The following NPAS3 variants were observed in gnomAD, a reference collection of about 807,000 sequenced individuals.
NPAS3 encodes neuronal PAS domain protein 3.
Under a neutral mutation model 73.1 loss-of-function variants are expected in NPAS3, and 14 were observed. The ratio of observed to expected loss-of-function variants is 0.19; its 90% CI spans 0.13 to 0.30. The LOEUF is 0.30. Ranked by LOEUF, NPAS3 falls within the 10% of genes least tolerant of loss-of-function variation. NPAS3 has a pLI of 1.00. For missense variants in NPAS3, 1,096 were observed against 1,250.0 expected (o/e 0.88, Z 1.86); for synonymous variants, 620 against 541.5 (o/e 1.14, Z -2.01).
At chr14:33,768,451 T>C (rs2062534993) in intron 7 of NPAS3, among the ~76,000 whole-genome samples, 1 of 152,220 alleles carries the variant, frequency 6.6e-6, no homozygotes, top group Non-Finnish European at 1.5e-5. Flanking sequence ...CTTATTTCAA[T>C]TCAAATATGA....
chr14:33,017,356 A>C (rs1455036507), intron 1 of NPAS3, among the ~76,000 whole-genome samples: 1 of 152,118 alleles, frequency 6.6e-6, no homozygotes, highest in Non-Finnish European at 1.5e-5. Context: ...AGAGTAGAAA[A>C]ATTCCCAGGG....
chr14:33,462,225 G>T (rs1315862628), intron 4 of NPAS3, among the ~76,000 whole-genome samples: 1 of 152,126 alleles, frequency 6.6e-6, no homozygotes, highest in Non-Finnish European at 1.5e-5. Flanking sequence ...TAGGCAAGTC[G>T]AACAACCTTT....
In NPAS3 at chr14:33,597,563, G is replaced by A. The variant is rs140198052; in HGVS notation, c.558+37353G>A. Among the ~76,000 whole-genome samples, 15 of 152,360 alleles carry A rather than the reference G, an allele frequency of 9.8e-5. No individual in the cohort carries two copies. In the East Asian group the frequency reaches 2.7e-3, roughly 27 times the overall value. On this transcript the variant is annotated intron_variant, in intron 5 of 11. Transcript: ENST00000356141. ...TTAGAAACAGGTTTAGCTCCAGATT[G>A]CCATGTTGATTTTCTTCATACATAT...
intron 3 of NPAS3, among the ~76,000 whole-genome samples, chr14:33,349,372 T>C (rs2044913165): frequency 6.6e-6 from 1 of 152,222 alleles, no homozygotes; most frequent in Non-Finnish European, 1.5e-5. Context: ...TTATTTCAGT[T>C]GCTTATGAAA....
intron 4 of NPAS3, among the ~76,000 whole-genome samples, chr14:33,442,973 C>T (rs903754498): frequency 7.9e-5 from 12 of 152,176 alleles, no homozygotes; most frequent in African/African-American, 2.9e-4. Flanking sequence ...AGTTCTCTCT[C>T]TCAAATACAT....
intron 2 of NPAS3, among the ~76,000 whole-genome samples, chr14:33,136,741 A>G (rs17100227): frequency 0.64 from 97,730 of 152,090 alleles, 31,894 homozygotes; most frequent in Middle Eastern, 0.7. Context: ...TGAAAGATTT[A>G]GTTTTTAGCT....
chr14:33,548,589 T>C (rs2054958760), intron 4 of NPAS3, among the ~76,000 whole-genome samples: 1 of 152,248 alleles, frequency 6.6e-6, no homozygotes, highest in African/African-American at 2.4e-5. Flanking sequence ...ACAACTTCAG[T>C]AAACCACATT....
intron 1 of NPAS3, among the ~76,000 whole-genome samples, chr14:32,975,750 T>TAAAACAAAAC (rs141953929): frequency 1.3e-5 from 2 of 151,930 alleles, no homozygotes; most frequent in Admixed American, 6.6e-5. Context: ...TGGTAGTTAA[T>TAAAACAAAAC]AAAACAAAAC....
At chr14:33,383,764 C>T (rs2046657127) in intron 4 of NPAS3, among the ~76,000 whole-genome samples, 1 of 152,144 alleles carries the variant, frequency 6.6e-6, no homozygotes, top group Admixed American at 6.5e-5. Flanking sequence ...TTCCGGAAGT[C>T]TGGTCAGCCT....
intron 2 of NPAS3, among the ~76,000 whole-genome samples, chr14:33,136,519 G>A (rs4638472): frequency 2.0e-5 from 3 of 152,160 alleles, no homozygotes; most frequent in Admixed American, 6.5e-5. Flanking sequence ...CAGTAACTCA[G>A]TTTTAATGAG....
At chr14:33,420,870 G>A (rs1340359650) in intron 4 of NPAS3, among the ~76,000 whole-genome samples, 1 of 151,740 alleles carries the variant, frequency 6.6e-6, no homozygotes, top group Non-Finnish European at 1.5e-5. Flanking sequence ...AAACAATAGC[G>A]CTTTGCTTCT....
intron 6 of NPAS3, among the ~76,000 whole-genome samples, chr14:33,705,222 GA>G (rs1203626259): frequency 6.6e-6 from 1 of 152,128 alleles, no homozygotes; most frequent in Non-Finnish European, 1.5e-5. Context: ...TACCAGGAGG[GA>G]AAAGGGGGTT....
intron 2 of NPAS3, among the ~76,000 whole-genome samples, chr14:33,155,114 T>C (rs2044600527): frequency 6.6e-6 from 1 of 152,234 alleles, no homozygotes; most frequent in African/African-American, 2.4e-5. Context: ...GGGCATAGTT[T>C]GCTGATCTTG....
At chr14:33,541,306 C>G (rs1474927490) in intron 4 of NPAS3, among the ~76,000 whole-genome samples, 1 of 152,052 alleles carries the variant, frequency 6.6e-6, no homozygotes, top group Non-Finnish European at 1.5e-5. Flanking sequence ...ATGGGTTTGT[C>G]ACTTCTAAAA....
rs55643715 is a variant in NPAS3, at chr14:33,183,421, GTTTTTTTTTTTTTTTTTTTTT to G, written c.141-31745_141-31725del. 1.1e-3 allele frequency among the ~76,000 whole-genome samples: 66 copies of G among 60,796 alleles called. 1 individual carries two copies. The highest frequency in any genetic ancestry group is 3.6e-3 in the African/African-American group (38 of 10,456). The allele number at this position is 60,796 out of a possible 152,430, so 39.9% of individuals were successfully genotyped here. On this transcript the variant is annotated intron_variant, in intron 2 of 11. Transcript: ENST00000356141. Reference sequence around the variant, plus strand: ...AGCCTGGGCGACAGAGTGAGACTCTGTTTTTTTTTTTTTTTTTTTTTTTTTTTTTTTTTTTTGAAACAATCT... The same window carrying G: ...AGCCTGGGCGACAGAGTGAGACTCTGTTTTTTTTTTTTTTTGAAACAATCT...
chr14:33,367,286 A>G lies in NPAS3; in HGVS notation c.468+18A>G, dbSNP rs1237243709. The stretch of plus-strand genomic sequence containing the variant: ...TTTTGCAGGTACCTTTAAAACAAAA[A>G]GAAGCTTTCTTATATTTTACTAAGA... On this transcript the variant is annotated intron_variant, in intron 4 of 11. Coordinates refer to ENST00000356141, the Ensembl canonical transcript of NPAS3. 1 of 806,628 alleles carries G rather than the reference A, an allele frequency of 1.2e-6. No individual in the cohort carries two copies. The highest frequency in any genetic ancestry group is 2.2e-6 in the Non-Finnish European group (1 of 464,878). 50.0% of individuals were successfully genotyped at this position (806,628 alleles called of 1,614,324 possible). A position where few individuals can be genotyped will look rare whatever the true frequency, so the allele number is the denominator to read the frequency against.
intron 3 of NPAS3, among the ~76,000 whole-genome samples, chr14:33,265,864 A>G (rs1473016823): frequency 1.3e-5 from 2 of 152,090 alleles, no homozygotes; most frequent in African/African-American, 2.4e-5. Context: ...ATCACTGTCC[A>G]TGATTTCCTT....
intron 2 of NPAS3, among the ~76,000 whole-genome samples, chr14:33,078,150 T>C (rs949215430): frequency 2.6e-5 from 4 of 151,216 alleles, no homozygotes; most frequent in African/African-American, 9.7e-5. Flanking sequence ...AAAAAATAAA[T>C]AAATAAACAA....
chr14:33,677,194 G>C (rs2140340983), intron 6 of NPAS3, among the ~76,000 whole-genome samples: 1 of 152,294 alleles, frequency 6.6e-6, no homozygotes, highest in South Asian at 2.1e-4. Context: ...ATCTGCGAAG[G>C]ATTTATTCTT....
Sources: allele counts gnomAD v4.1 joint callset (sites outside exome capture counted in the v4.1 genomes callset), GRCh38; gene constraint gnomAD v4.1.1; transcripts MANE v1.5; gene names NCBI Gene and HGNC (gene_info 2026-07-23, HGNC 2026-07-21).